Variants in NCOA2 observed in about 807,000 individuals in gnomAD.
The protein encoded by NCOA2 is nuclear receptor coactivator 2.
In NCOA2, 21 loss-of-function variants were observed where a neutral mutation model predicts 145.1. The ratio of observed to expected loss-of-function variants is 0.14; its 90% CI spans 0.10 to 0.21. The LOEUF is 0.21. Ranked by LOEUF, NCOA2 falls within the 10% of genes least tolerant of loss-of-function variation. The probability of loss-of-function intolerance (pLI) is 1.00; values close to 1 mark genes in which losing one functional copy is unlikely to be tolerated. For missense variants in NCOA2, 1,472 were observed against 1,837.6 expected (o/e 0.80, Z 3.64); for synonymous variants, 619 against 637.5 (o/e 0.97, Z 0.44).
intron 4 of NCOA2, among the ~76,000 whole-genome samples, chr8:70,210,549 G>C (rs1184500188): frequency 6.6e-6 from 1 of 152,182 alleles, no homozygotes; most frequent in Non-Finnish European, 1.5e-5. Flanking sequence ...GTCTCATAAA[G>C]CGCTACGTAC....
At chr8:70,290,510 C>G (rs998053125) in intron 2 of NCOA2, among the ~76,000 whole-genome samples, 2 of 151,916 alleles carry the variant, frequency 1.3e-5, no homozygotes, top group Admixed American at 1.3e-4. Context: ...TTATAGACAT[C>G]CATGAATCAT....
chr8:70,120,263 C>G (rs567372445), intron 22 of NCOA2, among the ~76,000 whole-genome samples: 1 of 152,190 alleles, frequency 6.6e-6, no homozygotes, highest in Non-Finnish European at 1.5e-5. Context: ...AGGGTAATAT[C>G]TCTTACCTTA....
intron 1 of NCOA2, among the ~76,000 whole-genome samples, chr8:70,299,604 A>G (rs1246066520): frequency 6.6e-6 from 1 of 152,250 alleles, no homozygotes; most frequent in East Asian, 1.9e-4. Flanking sequence ...TTATTAGGAA[A>G]ATGGAAATTG....
intron 1 of NCOA2, among the ~76,000 whole-genome samples, chr8:70,351,466 C>T (rs1809202340): frequency 6.6e-6 from 1 of 151,872 alleles, no homozygotes; most frequent in Admixed American, 6.6e-5. Flanking sequence ...TAAACATATC[C>T]CTATTTTTTC....
chr8:70,215,432 A>C (rs1819509959), intron 3 of NCOA2, among the ~76,000 whole-genome samples: 1 of 152,224 alleles, frequency 6.6e-6, no homozygotes, highest in Non-Finnish European at 1.5e-5. Context: ...GCAGTCTGAC[A>C]GACAGAAGTT....
At chr8:70,176,647 T>A (rs6998879) in intron 4 of NCOA2, among the ~76,000 whole-genome samples, 8,372 of 152,238 alleles carry the variant, frequency 0.055, 772 homozygotes, top group African/African-American at 0.19. Context: ...TGGGGCATAC[T>A]TTTTAATTTT....
At chr8:70,312,957 T>C (rs73684274) in intron 1 of NCOA2, among the ~76,000 whole-genome samples, 21,151 of 152,208 alleles carry the variant, frequency 0.14, 2,622 homozygotes, top group African/African-American at 0.34. Context: ...ATGAAATGTA[T>C]ACTTTAAATA....
At chr8:70,370,744 A>G (rs1038745620) in intron 1 of NCOA2, among the ~76,000 whole-genome samples, 11 of 152,166 alleles carry the variant, frequency 7.2e-5, no homozygotes, top group Non-Finnish European at 1.6e-4. Flanking sequence ...AGGTGAGAAA[A>G]GGAAAAAAAA....
At chr8:70,201,018 C>G (rs760962040) in intron 4 of NCOA2, among the ~76,000 whole-genome samples, 15 of 139,710 alleles carry the variant, frequency 1.1e-4, no homozygotes, top group Non-Finnish European at 2.0e-4. Context: ...CTACTGCACT[C>G]CAGCCTGGGT....
chr8:70,179,897 T>C lies in NCOA2; in HGVS notation c.260-5038A>G, dbSNP rs187852650. Among the ~76,000 whole-genome samples, 93 of 152,342 alleles carry C rather than the reference T, an allele frequency of 6.1e-4. 1 individual carries two copies. In the East Asian group the frequency reaches 0.015, roughly 24 times the overall value. ...TTCTAAGCCCTGACTTCATTATTTC[T>C]TCCTGCTACGCTTTTACCATTAAAG... On this transcript the variant is annotated intron_variant, in intron 4 of 22. Transcript: ENST00000452400.
upstream of NCOA2, among the ~76,000 whole-genome samples, chr8:70,408,732 C>T (rs895016110): frequency 6.6e-6 from 1 of 151,214 alleles, no homozygotes; most frequent in African/African-American, 2.4e-5. Flanking sequence ...CAGCCCTGAC[C>T]TCCCTAATAG....
At chr8:70,304,767 T>C (rs1467300825) in intron 1 of NCOA2, among the ~76,000 whole-genome samples, 1 of 152,042 alleles carries the variant, frequency 6.6e-6, no homozygotes, top group Non-Finnish European at 1.5e-5. Context: ...GGTGCTGGGA[T>C]TACAGGTGTG....
chr8:70,136,249 C>A (rs1183131121), intron 15 of NCOA2, among the ~76,000 whole-genome samples: 2 of 152,076 alleles, frequency 1.3e-5, no homozygotes, highest in Non-Finnish European at 1.5e-5. Context: ...GTAATCCCAG[C>A]TACTCAGGAG....
At chr8:70,326,451 G>A (rs373487018) in intron 1 of NCOA2, among the ~76,000 whole-genome samples, 3 of 138,166 alleles carry the variant, frequency 2.2e-5, no homozygotes, top group Middle Eastern at 3.4e-3. Context: ...ACACACACAC[G>A]TGCACACACA....
At chr8:70,378,455 C>T (rs1216853096) in intron 1 of NCOA2, among the ~76,000 whole-genome samples, 1 of 151,756 alleles carries the variant, frequency 6.6e-6, no homozygotes, top group Non-Finnish European at 1.5e-5. Flanking sequence ...GTAGGAGATC[C>T]CCACATGTTT....
intron 22 of NCOA2, 142 bp from the exon 23 acceptor site, chr8:70,113,785 G>C (rs372869452): frequency 1.3e-6 from 1 of 798,340 alleles, no homozygotes; most frequent in Admixed American, 2.1e-5. Flanking sequence ...GAGTACATTC[G>C]ATGTGGAGGT....
intron 6 of NCOA2, 66 bp downstream of exon 6, chr8:70,170,136 T>A: frequency 6.9e-7 from 1 of 1,442,288 alleles, no homozygotes; most frequent in East Asian, 2.3e-5. Flanking sequence ...ACCAAGACAC[T>A]GTGTGTATGA....
intron 1 of NCOA2, among the ~76,000 whole-genome samples, chr8:70,371,820 T>A (rs1811246721): frequency 6.6e-6 from 1 of 152,202 alleles, no homozygotes; most frequent in Non-Finnish European, 1.5e-5. Context: ...TCTTATCACT[T>A]CTAGCCTGCA....
intron 1 of NCOA2, among the ~76,000 whole-genome samples, chr8:70,397,763 A>T (rs550798760): frequency 5.3e-5 from 8 of 152,378 alleles, no homozygotes; most frequent in African/African-American, 1.9e-4. Flanking sequence ...TCATTACATG[A>T]AATCTATTCG....
Sources: allele counts gnomAD v4.1 joint callset (sites outside exome capture counted in the v4.1 genomes callset), GRCh38; gene constraint gnomAD v4.1.1; transcripts MANE v1.5; gene names NCBI Gene and HGNC (gene_info 2026-07-23, HGNC 2026-07-21).